The following EPB41 variants were observed in gnomAD, a reference collection of about 807,000 sequenced individuals.
EPB41 encodes protein 4.1.
A neutral mutation model predicts 108.0 loss-of-function variants in EPB41; 65 were observed. That is an observed-to-expected ratio of 0.60 (90% CI 0.49 to 0.74). The LOEUF (loss-of-function observed/expected upper bound fraction) is 0.74. Among genes scored for constraint, EPB41 ranks in the 30% least tolerant of loss-of-function variants. The probability of loss-of-function intolerance (pLI) is 0.00; values close to 1 mark genes in which losing one functional copy is unlikely to be tolerated. For synonymous variants in EPB41, 336 were observed against 358.9 expected, an observed-to-expected ratio of 0.94 and a Z score of 0.72; for missense variants, 875 against 1,037.0, an observed-to-expected ratio of 0.84 and a Z score of 2.15.
chr1:28,920,699 G>A (rs2148247131), intron 1 of EPB41, among the ~76,000 whole-genome samples: 1 of 152,230 alleles, frequency 6.6e-6, no homozygotes, highest in South Asian at 2.1e-4. Context: ...GAGTGCAGTG[G>A]TGCGATCATG....
intron 1 of EPB41, among the ~76,000 whole-genome samples, chr1:28,919,395 G>A (rs2148206381): frequency 6.6e-6 from 1 of 151,994 alleles, no homozygotes; most frequent in Non-Finnish European, 1.5e-5. Context: ...ATCTGGGTAG[G>A]AACTGGGAGC....
chr1:29,091,927 G>C (rs1428136489), intron 16 of EPB41, among the ~76,000 whole-genome samples: 1 of 152,026 alleles, frequency 6.6e-6, no homozygotes, highest in Non-Finnish European at 1.5e-5. Flanking sequence ...GTCTTTCCTT[G>C]CCTTTATGGA....
chr1:28,993,734 G>A (rs2096084507), intron 3 of EPB41, among the ~76,000 whole-genome samples, 192 bp downstream of exon 3: 1 of 143,678 alleles, frequency 7.0e-6, no homozygotes, highest in South Asian at 2.2e-4. Context: ...TTGGCTCACT[G>A]TAGCCCCCAA....
intron 1 of EPB41, among the ~76,000 whole-genome samples, chr1:28,929,038 T>C (rs1164558124): frequency 6.6e-6 from 1 of 152,178 alleles, no homozygotes; most frequent in East Asian, 1.9e-4. Context: ...TAACATGATA[T>C]ACCTCCCTTT....
chr1:29,074,973 A>T (rs570462352), intron 16 of EPB41, among the ~76,000 whole-genome samples: 1 of 152,020 alleles, frequency 6.6e-6, no homozygotes, highest in Non-Finnish European at 1.5e-5. Context: ...CCTGGCTAAC[A>T]TGGTGAAACT....
chr1:29,081,536 AT>A (rs1454492658), intron 16 of EPB41, among the ~76,000 whole-genome samples: 1 of 152,140 alleles, frequency 6.6e-6, no homozygotes, highest in Non-Finnish European at 1.5e-5. Flanking sequence ...TCAGGTGATT[AT>A]TTCAAACTAA....
Position 28,968,635 on chromosome 1 carries a change from T to C in EPB41, c.-7-18796T>C, listed in dbSNP as rs1355784409. Among the ~76,000 whole-genome samples the C allele has an allele frequency of 2.0e-5, 3 of 152,080 alleles. No homozygotes were observed. In the East Asian group the frequency reaches 5.8e-4, roughly 29 times the overall value. On this transcript the variant is annotated intron_variant, in intron 1 of 20. Coordinates refer to ENST00000343067, the MANE Select transcript of EPB41 (RefSeq NM_001376013.1). ...GTTGATGCAAAAGTAATTGCAGTTT[T>C]TGCCGTTACTTTCAATGGCAAAAAC...
In EPB41 at chr1:29,033,236, G is replaced by T. The variant is rs764910460; in HGVS notation, c.1356G>T (p.Arg452=). Residue 452 remains arginine (R), a synonymous_variant, in exon 9 of 21, where the codon CGG becomes CGT. Coordinates refer to ENST00000343067, the MANE Select transcript of EPB41 (RefSeq NM_001376013.1). ...GTAGTAGCTTTTTCATCAAGATTCGGCCTGGAGAGGTACAGAATTTATATT... is the reference window on the plus strand; with the variant it reads ...GTAGTAGCTTTTTCATCAAGATTCGTCCTGGAGAGGTACAGAATTTATATT... ...YKRSSFFIKI[R]PGEQEQYEST... 6.2e-6 allele frequency: 10 copies of T among 1,613,698 alleles called. No individual in the cohort carries two copies. The African/African-American group carries it at 1.2e-4, about 19-fold the overall frequency.
chr1:28,993,344 A>T lies in EPB41; in HGVS notation c.483A>T (p.Glu161Asp). Residue 161 changes from glutamate to aspartate, a missense_variant, in exon 3 of 21, where the codon GAA becomes GAT. By Grantham distance (45) the Glu-to-Asp change is conservative. This residue lies in a region of EPB41 where 353 missense variants were observed against 393.2 expected (regional missense o/e 0.90). Coordinates refer to ENST00000343067, the MANE Select transcript of EPB41 (RefSeq NM_001376013.1). The part of the protein sequence containing the change: ...SSAETQPAQE[E>D]LREDPDFEIK... ...TGGATATGTAGCCTGCTCAGGAAGA[A>T]CTCAGAGAAGATCCAGATTTTGAAA... 6.2e-7 allele frequency: 1 copy of T among 1,612,738 alleles called. No individual in the cohort carries two copies. The highest frequency in any genetic ancestry group is 8.5e-7 in the Non-Finnish European group (1 of 1,179,962).
intron 16 of EPB41, among the ~76,000 whole-genome samples, chr1:29,084,847 T>C (rs1214001448): frequency 1.3e-5 from 2 of 152,288 alleles, no homozygotes; most frequent in East Asian, 3.9e-4. Context: ...TTCTTCAAAG[T>C]TGTGATGTTC....
rs191089469 is a variant in EPB41 at position 29,064,523 on chromosome 1, A to G, written c.2008-459A>G. ...GCAACTCAACAAGACAAGACAGCCAATGGTGGAAGTTGTATGTTTCACCAT... is the reference window on the plus strand; with the variant it reads ...GCAACTCAACAAGACAAGACAGCCAGTGGTGGAAGTTGTATGTTTCACCAT... On this transcript the variant is annotated intron_variant, in intron 15 of 20. Transcript: ENST00000343067. Among the ~76,000 whole-genome samples the G allele has an allele frequency of 7.2e-5, 11 of 152,344 alleles. No homozygotes were observed. The East Asian group carries it at 9.6e-4, about 13-fold the overall frequency.
In EPB41 at chr1:28,927,307, C is replaced by T. The variant is rs187535219; in HGVS notation, c.-8+12539C>T. ...ATTTTGGAGAAGCGCATATTGTGTT[C>T]CTCTTTTTGATTGAAACAGAGAACT... On this transcript the variant is annotated intron_variant, in intron 1 of 20. Coordinates refer to ENST00000343067, the MANE Select transcript of EPB41 (RefSeq NM_001376013.1). 4.3e-4 allele frequency among the ~76,000 whole-genome samples: 65 copies of T among 152,162 alleles called. No individual in the cohort carries two copies. The East Asian group carries it at 0.011, about 27-fold the overall frequency.
chr1:29,098,732 GT>G (rs1187674724), intron 17 of EPB41, among the ~76,000 whole-genome samples: 1 of 151,504 alleles, frequency 6.6e-6, no homozygotes. Context: ...GGATTTAAGT[GT>G]TTTTTGTTTG....
intron 18 of EPB41, among the ~76,000 whole-genome samples, chr1:29,111,166 CAAA>C (rs1313702265): frequency 1.8e-5 from 2 of 108,732 alleles, no homozygotes; most frequent in Non-Finnish European, 1.9e-5. Flanking sequence ...GACTCCATCT[CAAA>C]AAAAAAAAAA....
At chr1:28,949,409 C>T (rs1557781337) in intron 1 of EPB41, among the ~76,000 whole-genome samples, 1 of 152,006 alleles carries the variant, frequency 6.6e-6, no homozygotes, top group Admixed American at 6.6e-5. Context: ...CACTGCACTC[C>T]AGTATGAGTG....
intron 1 of EPB41, among the ~76,000 whole-genome samples, chr1:28,905,803 T>C (rs938756802): frequency 8.0e-6 from 1 of 124,746 alleles, no homozygotes; most frequent in African/African-American, 2.7e-5. Flanking sequence ...CTTCTCTCTT[T>C]CTTTTTCTTT....
intron 17 of EPB41, among the ~76,000 whole-genome samples, chr1:29,098,203 AT>A (rs1183795253): frequency 6.6e-6 from 1 of 151,192 alleles, no homozygotes; most frequent in Non-Finnish European, 1.5e-5. Context: ...CCATCTGAAT[AT>A]TTTTTTTTGA....
At chr1:28,909,881 G>A (rs1009413503), upstream of EPB41, among the ~76,000 whole-genome samples, 2 of 151,964 alleles carry the variant, frequency 1.3e-5, no homozygotes, top group Non-Finnish European at 2.9e-5. Flanking sequence ...CCAGGAGTTC[G>A]AGACCAGTGT....
chr1:29,087,495 A>G (rs1659545742), intron 16 of EPB41, among the ~76,000 whole-genome samples: 2 of 151,810 alleles, frequency 1.3e-5, no homozygotes, highest in Non-Finnish European at 2.9e-5. Flanking sequence ...CCCGAGTAGC[A>G]GGGATTACAG....
Sources: gnomAD v4.1 joint callset for allele counts (sites outside exome capture counted in the v4.1 genomes callset) on GRCh38, gnomAD v4.1.1 for gene constraint, gnomAD v4.1.1 regional missense constraint, MANE v1.5 for transcripts, NCBI Gene and HGNC (gene_info 2026-07-23, HGNC 2026-07-21) for gene names.